AURKA: variants seen among roughly 807,000 people sequenced by gnomAD.
The protein encoded by AURKA is aurora kinase A, also known as aurora 2.
AURKA carries 12 observed loss-of-function variants against 40.9 expected under a neutral mutation model. That is an observed-to-expected ratio of 0.29 (90% CI 0.19 to 0.48). AURKA has a LOEUF of 0.48. Ranked by LOEUF, AURKA falls within the 20% of genes least tolerant of loss-of-function variation. The probability of loss-of-function intolerance (pLI) is 0.99; values close to 1 mark genes in which losing one functional copy is unlikely to be tolerated. For missense variants in AURKA, 322 were observed against 462.1 expected (o/e 0.70, Z 2.78); for synonymous variants, 170 against 164.3 (o/e 1.03, Z -0.26).
Position 56,388,429 on chromosome 20 carries a change from C to G in AURKA, c.-5-227G>C, listed in dbSNP as rs189936684. On this transcript the variant is annotated intron_variant, in intron 1 of 8. Coordinates refer to ENST00000395915, the MANE Select transcript of AURKA (RefSeq NM_198437.3). The stretch of plus-strand genomic sequence containing the variant: ...CCCATCCTCTGTCACGGAGTCTTCA[C>G]TCCTGATGGTCTTGCTGCTCCATCA... 3,707 of 581,902 alleles carry G rather than the reference C, an allele frequency of 6.4e-3. 42 individuals are homozygous for G. The highest frequency in any genetic ancestry group is 0.019 in the Middle Eastern group (50 of 2,676). The allele number at this position is 581,902 out of a possible 1,614,324, so 36.0% of individuals were successfully genotyped here. A position where few individuals can be genotyped will look rare whatever the true frequency, so the allele number is the denominator to read the frequency against.
At chr20:56,380,892 G>C (rs146607640) in intron 6 of AURKA, among the ~76,000 whole-genome samples, 1,943 of 152,260 alleles carry the variant, frequency 0.013, 21 homozygotes, top group Non-Finnish European at 0.021. Context: ...TGACAAATGT[G>C]CCATATTAAT....
intron 7 of AURKA, among the ~76,000 whole-genome samples, chr20:56,372,901 A>G (rs1347080020): frequency 6.6e-6 from 1 of 152,230 alleles, no homozygotes; most frequent in East Asian, 1.9e-4. Flanking sequence ...GACTATCCCT[A>G]CTATTGACAG....
chr20:56,387,890 T>C lies in AURKA; in HGVS notation c.42+266A>G, dbSNP rs533596227. Among the ~76,000 whole-genome samples the C allele has an allele frequency of 6.6e-5, 10 of 152,340 alleles. No individual in the cohort carries two copies. In the South Asian group the frequency reaches 2.1e-3, roughly 32 times the overall value. On this transcript the variant is annotated intron_variant, in intron 2 of 8. Coordinates refer to ENST00000395915, the MANE Select transcript of AURKA (RefSeq NM_198437.3). ...GCCAATTTTAAAAGTTTTGAACTCCTGCCAGATGCATTATTACTATTATCC... is the reference window on the plus strand; with the variant it reads ...GCCAATTTTAAAAGTTTTGAACTCCCGCCAGATGCATTATTACTATTATCC...
chr20:56,372,518 T>A (rs1984389841), intron 7 of AURKA, among the ~76,000 whole-genome samples: 1 of 124,852 alleles, frequency 8.0e-6, no homozygotes, highest in Non-Finnish European at 1.6e-5. Flanking sequence ...CAGCTCCCAC[T>A]AATGACAACC....
At chr20:56,377,658 G>A (rs1360127578) in intron 6 of AURKA, among the ~76,000 whole-genome samples, 6 of 152,006 alleles carry the variant, frequency 3.9e-5, no homozygotes. Flanking sequence ...ATGGTGGCAC[G>A]TGCCTGTAGT....
intron 6 of AURKA, among the ~76,000 whole-genome samples, chr20:56,375,453 A>T (rs747302978): frequency 6.6e-6 from 1 of 151,554 alleles, no homozygotes; most frequent in Non-Finnish European, 1.5e-5. Context: ...CCCAGAATTT[A>T]TTTTAACATA....
chr20:56,391,221 A>T (rs1314150048), intron 1 of AURKA, among the ~76,000 whole-genome samples: 1 of 152,202 alleles, frequency 6.6e-6, no homozygotes, highest in Non-Finnish European at 1.5e-5. Flanking sequence ...GCATGTCTGC[A>T]GAGATGAAGG....
intron 6 of AURKA, among the ~76,000 whole-genome samples, chr20:56,378,718 T>G (rs937613978): frequency 2.6e-5 from 4 of 152,110 alleles, no homozygotes; most frequent in Non-Finnish European, 5.9e-5. Flanking sequence ...ATGAACAAGC[T>G]CTCATGCCTC....
chr20:56,382,861 C>T, intron 5 of AURKA, 124 bp downstream of exon 5: 1 of 999,184 alleles, frequency 1.0e-6, no homozygotes, highest in Non-Finnish European at 1.6e-6. Context: ...CGGGGCCATG[C>T]ATTTGAAGGC....
chr20:56,381,588 A>C lies in AURKA; in HGVS notation c.567-17T>G. The C allele has an allele frequency of 1.2e-6, 2 of 1,612,950 alleles. No homozygotes were observed. Among genetic ancestry groups the C allele is most frequent in the Non-Finnish European group, 1.7e-6 (2 of 1,179,606 alleles). On this transcript the variant is annotated splice_polypyrimidine_tract_variant and intron_variant, in intron 5 of 8. Coordinates refer to ENST00000395915, the MANE Select transcript of AURKA (RefSeq NM_198437.3). ...TTAGGATGCCTGCAACAAAGGATAA[A>C]CATTCTAACACTTGGTTTGGAGCTC...
At chr20:56,375,798 A>G (rs1984849356) in intron 6 of AURKA, among the ~76,000 whole-genome samples, 1 of 152,220 alleles carries the variant, frequency 6.6e-6, no homozygotes, top group African/African-American at 2.4e-5. Flanking sequence ...TCACTTCCAG[A>G]CAAGAAGCTA....
At chr20:56,389,023 G>C (rs1176969558) in intron 1 of AURKA, among the ~76,000 whole-genome samples, 1 of 152,102 alleles carries the variant, frequency 6.6e-6, no homozygotes, top group Non-Finnish European at 1.5e-5. Flanking sequence ...CCAAACCCAA[G>C]GGTCAATTCC....
Position 56,384,291 on chromosome 20 carries a change from T to G in AURKA, c.353A>C (p.Gln118Pro). ...NNPEEELASK[Q>P]KNEESKKRQW... ...TTACTTTTTTGATTCTTCATTTTTC[T>G]GTTTTGATGCCAGTTCCTCCTCAGG... The change falls in exon 4 of 9, where the codon CAG becomes CCG. Residue 118 changes from glutamine (Q) to proline (P), a missense_variant. Coordinates refer to ENST00000395915, the MANE Select transcript of AURKA (RefSeq NM_198437.3). 1 of 1,601,642 alleles carries G rather than the reference T, an allele frequency of 6.2e-7. No homozygotes were observed. Among genetic ancestry groups the G allele is most frequent in the Non-Finnish European group, 8.5e-7 (1 of 1,169,768 alleles).
chr20:56,380,587 T>C (rs1036667915), intron 6 of AURKA, among the ~76,000 whole-genome samples: 3 of 152,130 alleles, frequency 2.0e-5, no homozygotes, highest in Non-Finnish European at 4.4e-5. Context: ...ACTCCTTAAG[T>C]GTGGGCTATT....
At chr20:56,372,376 G>A (rs944301215) in intron 7 of AURKA, among the ~76,000 whole-genome samples, 15 of 152,020 alleles carry the variant, frequency 9.9e-5, no homozygotes, top group Non-Finnish European at 1.5e-4. Flanking sequence ...AGTGACTATC[G>A]GTTATGTAAG....
At chr20:56,378,077 G>A (rs1235168169) in intron 6 of AURKA, among the ~76,000 whole-genome samples, 1 of 152,140 alleles carries the variant, frequency 6.6e-6, no homozygotes, top group Non-Finnish European at 1.5e-5. Context: ...TGAGATGGGA[G>A]GATTGCTTGA....
chr20:56,386,767 T>C (rs1258676906), intron 2 of AURKA, among the ~76,000 whole-genome samples: 1 of 152,182 alleles, frequency 6.6e-6, no homozygotes, highest in Non-Finnish European at 1.5e-5. Context: ...AAAATCATGC[T>C]TTATTAACAA....
chr20:56,388,548 A>C (rs903776048), intron 1 of AURKA: 1 of 328,378 alleles, frequency 3.0e-6, no homozygotes, highest in Non-Finnish European at 5.8e-6. Context: ...ATGGTGGCTT[A>C]CACCTGTAAT....
intron 7 of AURKA, among the ~76,000 whole-genome samples, chr20:56,371,686 TAGAC>T (rs1984256137): frequency 2.0e-5 from 3 of 149,660 alleles, no homozygotes; most frequent in Non-Finnish European, 3.0e-5. Context: ...TCCAACCACA[TAGAC>T]AGTCCAATAC....
Sources: allele counts gnomAD v4.1 joint callset (sites outside exome capture counted in the v4.1 genomes callset), GRCh38; gene constraint gnomAD v4.1.1; transcripts MANE v1.5; gene names NCBI Gene and HGNC (gene_info 2026-07-23, HGNC 2026-07-21).